SYTL5: variants seen among roughly 807,000 people sequenced by gnomAD.
SYTL5 encodes synaptotagmin-like protein 5.
In SYTL5, 34 loss-of-function variants were observed where a neutral mutation model predicts 55.9. That is an observed-to-expected ratio of 0.61 (90% confidence interval 0.46 to 0.81). The LOEUF (loss-of-function observed/expected upper bound fraction) is 0.81, where lower values mean the gene tolerates loss of function less well. Among genes scored for constraint, SYTL5 ranks in the 30% least tolerant of loss-of-function variants. The pLI is 0.00. For synonymous variants in SYTL5, 221 were observed against 188.7 expected (o/e 1.17, Z -1.40); for missense variants, 637 against 546.7 (o/e 1.17, Z -1.65).
chrX:38,077,919 A>C (rs1402212994), intron 6 of SYTL5, among the ~76,000 whole-genome samples: 1 of 111,683 alleles, frequency 9.0e-6, no homozygotes, highest in Non-Finnish European at 1.9e-5. Context: ...TATAATCCCA[A>C]TGCTTTAGAA....
the SYTL5 span, among the ~76,000 whole-genome samples, chrX:37,899,308 C>T: frequency 5.9e-4 from 66 of 111,383 alleles, no homozygotes; most frequent in African/African-American, 2.0e-3. Context: ...CTCAAGCATC[C>T]TCCTGCCTCA....
the SYTL5 span, among the ~76,000 whole-genome samples, chrX:38,000,721 AT>A: frequency 8.9e-6 from 1 of 112,099 alleles, no homozygotes; most frequent in African/African-American, 3.2e-5. Flanking sequence ...CGGATCACAC[AT>A]GGGCTTGGAG....
At chrX:38,126,487 G>A (rs773050073) in intron 16 of SYTL5, 101 bp from the exon 17 acceptor site, 45 of 836,855 alleles carry the variant, frequency 5.4e-5, no homozygotes, top group Non-Finnish European at 7.7e-5. Flanking sequence ...GCCAGTAAAA[G>A]GTACTCTGGT....
At chrX:38,085,323 C>T (rs1398162483) in intron 6 of SYTL5, among the ~76,000 whole-genome samples, 1 of 111,062 alleles carries the variant, frequency 9.0e-6, no homozygotes, top group Non-Finnish European at 1.9e-5. Context: ...TGTGACTAGC[C>T]TCAGTATAGT....
At chrX:38,003,965 C>T (rs1051721188), upstream of SYTL5, among the ~76,000 whole-genome samples, 34 of 111,905 alleles carry the variant, frequency 3.0e-4, no homozygotes, top group African/African-American at 1.1e-3. Flanking sequence ...TTTTCATATG[C>T]CTTTTTGCCA....
chrX:38,078,545 C>A (rs1430055893), intron 6 of SYTL5, among the ~76,000 whole-genome samples: 1 of 111,019 alleles, frequency 9.0e-6, no homozygotes, highest in Admixed American at 9.5e-5. Context: ...CAGGCGTGAG[C>A]CACCGCACCC....
At chrX:38,109,624 A>C (rs1937306690) in intron 12 of SYTL5, among the ~76,000 whole-genome samples, 2 of 109,932 alleles carry the variant, frequency 1.8e-5, no homozygotes, top group Admixed American at 2.0e-4. Flanking sequence ...GCCAAGGTTA[A>C]TTATGACAGT....
the SYTL5 span, among the ~76,000 whole-genome samples, chrX:37,898,449 ACTT>A: frequency 1.8e-5 from 2 of 111,908 alleles, no homozygotes; most frequent in African/African-American, 6.5e-5. Flanking sequence ...CGATGGTTGA[ACTT>A]GTTTTTTGAG....
At chrX:38,056,852 G>A (rs1390169190) in intron 3 of SYTL5, among the ~76,000 whole-genome samples, 1 of 111,575 alleles carries the variant, frequency 9.0e-6, no homozygotes, top group Non-Finnish European at 1.9e-5. Context: ...TTGTAGAGTT[G>A]TTCAAGCTCC....
the SYTL5 span, among the ~76,000 whole-genome samples, chrX:37,957,930 T>C: frequency 5.3e-5 from 6 of 112,220 alleles, no homozygotes; most frequent in African/African-American, 1.9e-4. Context: ...AGACTGTGAC[T>C]GGGCGTGGTG....
At chrX:37,941,545 T>C in the SYTL5 span, among the ~76,000 whole-genome samples, 26 of 111,523 alleles carry the variant, frequency 2.3e-4, no homozygotes, top group Non-Finnish European at 4.5e-4. Context: ...CTGAGGGCTT[T>C]TTTTCCCCTG....
At chrX:37,997,137 T>C in the SYTL5 span, among the ~76,000 whole-genome samples, 1 of 112,901 alleles carries the variant, frequency 8.9e-6, no homozygotes, top group South Asian at 3.7e-4. Context: ...TTTAGTTTCC[T>C]ACATTCCTCA....
the SYTL5 span, among the ~76,000 whole-genome samples, chrX:37,895,987 C>G: frequency 8.9e-6 from 1 of 111,887 alleles, no homozygotes; most frequent in Non-Finnish European, 1.9e-5. Flanking sequence ...CTAGGAGAGG[C>G]CATTAGGTTG....
At chrX:38,003,884 A>T (rs1258670434), upstream of SYTL5, among the ~76,000 whole-genome samples, 1 of 111,873 alleles carries the variant, frequency 8.9e-6, no homozygotes, top group Non-Finnish European at 1.9e-5. Context: ...AAGCCATTTT[A>T]ACTGGAGTAA....
the SYTL5 span, among the ~76,000 whole-genome samples, chrX:37,988,874 A>G: frequency 8.9e-6 from 1 of 112,206 alleles, no homozygotes; most frequent in Non-Finnish European, 1.9e-5. Flanking sequence ...GAACTTGAAT[A>G]TTTAGCTGAG....
At chrX:38,007,145 A>G (rs749719735) in intron 1 of SYTL5, among the ~76,000 whole-genome samples, 21 of 111,779 alleles carry the variant, frequency 1.9e-4, no homozygotes, top group Non-Finnish European at 1.1e-4. Flanking sequence ...TAGATGTTTC[A>G]TTTGGAATTA....
intron 9 of SYTL5, among the ~76,000 whole-genome samples, chrX:38,098,556 A>C (rs1936997732): frequency 9.0e-6 from 1 of 110,918 alleles, no homozygotes; most frequent in African/African-American, 3.3e-5. Context: ...AGTGTTGATG[A>C]GGATGCGGAG....
the SYTL5 span, among the ~76,000 whole-genome samples, chrX:37,969,468 T>C: frequency 8.9e-6 from 1 of 111,964 alleles, no homozygotes; most frequent in Non-Finnish European, 1.9e-5. Context: ...CACTTCCACA[T>C]GACACATATA....
chrX:38,044,424 G>T (rs1229446203), intron 2 of SYTL5, among the ~76,000 whole-genome samples: 1 of 111,790 alleles, frequency 8.9e-6, no homozygotes, highest in African/African-American at 3.2e-5. Flanking sequence ...TCAATTTAGA[G>T]TCATTCTAGA....
Sources: allele counts gnomAD v4.1 joint callset (sites outside exome capture counted in the v4.1 genomes callset), GRCh38; gene constraint gnomAD v4.1.1; transcripts MANE v1.5; gene names NCBI Gene and HGNC (gene_info 2026-07-23, HGNC 2026-07-21).